CHEK2: variants seen among roughly 807,000 people sequenced by gnomAD.
CHEK2 encodes the protein checkpoint kinase 2.
A neutral mutation model predicts 69.1 loss-of-function variants in CHEK2; 71 were observed. That is an observed-to-expected ratio of 1.03 (90% CI 0.85 to 1.25). CHEK2 has a LOEUF of 1.25. CHEK2 is among the 50% of genes most tolerant of loss of function. The pLI, the probability that CHEK2 is intolerant of heterozygous loss-of-function variation, is 0.00. For synonymous variants in CHEK2, 189 were observed against 226.9 expected, an observed-to-expected ratio of 0.83 and a Z score of 1.50; for missense variants, 664 against 649.6, an observed-to-expected ratio of 1.02 and a Z score of -0.24.
At chr22:28,701,983 C>T (rs996832653) in intron 8 of CHEK2, among the ~76,000 whole-genome samples, 36 of 149,604 alleles carry the variant, frequency 2.4e-4, no homozygotes, top group Non-Finnish European at 2.8e-4. Context: ...CAGAGTCTCA[C>T]TCCCATTGTC....
chr22:28,689,065 A>G, intron 14 of CHEK2, 70 bp downstream of exon 14: 1 of 1,009,636 alleles, frequency 9.9e-7, no homozygotes, highest in Non-Finnish European at 1.5e-6. Flanking sequence ...AAAATCTTGA[A>G]TTTCATCATC....
At chr22:28,726,163 A>G (rs1275206854) in intron 2 of CHEK2, 2 of 152,202 alleles carry the variant, frequency 1.3e-5, no homozygotes, top group African/African-American at 4.8e-5. Flanking sequence ...AGATTGCGCC[A>G]CTGCACTCCA....
intron 2 of CHEK2, among the ~76,000 whole-genome samples, chr22:28,733,331 T>C (rs2054272860): frequency 6.6e-6 from 1 of 152,176 alleles, no homozygotes; most frequent in African/African-American, 2.4e-5. Context: ...GGGGATAATG[T>C]TTGCAAGTTT....
intron 2 of CHEK2, chr22:28,726,342 C>G (rs1294466840): frequency 6.6e-6 from 1 of 150,922 alleles, no homozygotes; most frequent in Non-Finnish European, 1.5e-5. Flanking sequence ...GTACTCCAAC[C>G]TGGGCAACAG....
Position 28,725,102 on chromosome 22 carries a change from T to A in CHEK2, c.467A>T (p.Tyr156Phe), listed in dbSNP as rs1555927004. The A allele has an allele frequency of 1.2e-6, 2 of 1,614,138 alleles. No homozygotes were observed. The highest frequency in any genetic ancestry group is 1.1e-5 in the South Asian group (1 of 91,086). The part of the protein sequence containing the change: ...IFREVGPKNS[Y>F]IAYIEDHSGN... ...ACTGTGATCTTCTATGTATGCAATGTAAGAGTTTTTAGGACCCACTTCCTA... is the reference window on the plus strand; with the variant it reads ...ACTGTGATCTTCTATGTATGCAATGAAAGAGTTTTTAGGACCCACTTCCTA... The change falls in exon 4 of 15, where the codon TAC becomes TTC. Residue 156 changes from tyrosine to phenylalanine, a missense_variant. Tyr to Phe is a conservative substitution (Grantham distance 22, BLOSUM62 3). Coordinates refer to ENST00000404276, the MANE Select transcript of CHEK2 (RefSeq NM_007194.4).
At chr22:28,730,353 A>C (rs926558105) in intron 2 of CHEK2, 5 of 487,332 alleles carry the variant, frequency 1.0e-5, no homozygotes, top group African/African-American at 2.0e-5. Context: ...AAGAAAGGGG[A>C]AAGGGGAAAG....
In CHEK2 at chr22:28,703,486, TA is replaced by T. The variant is rs778668907; in HGVS notation, c.908+18del. The T allele has an allele frequency of 2.1e-5, 26 of 1,256,760 alleles. No individual in the cohort carries two copies. The highest frequency in any genetic ancestry group is 2.9e-5 in the Non-Finnish European group (25 of 872,952). The allele number at this position is 1,256,760 out of a possible 1,614,324, so 77.9% of individuals were successfully genotyped here. On this transcript the variant is annotated intron_variant, in intron 8 of 14. Coordinates refer to ENST00000404276, the MANE Select transcript of CHEK2 (RefSeq NM_007194.4). Reference sequence around the variant, plus strand: ...GCATTTGAATGGAAACAGAAATTTTTAAAAAGTTTACTACTTACAATTCCAA... The same window carrying T: ...GCATTTGAATGGAAACAGAAATTTTTAAAAGTTTACTACTTACAATTCCAA...
At chr22:28,707,141 G>A (rs181866252) in intron 7 of CHEK2, among the ~76,000 whole-genome samples, 2 of 152,106 alleles carry the variant, frequency 1.3e-5, no homozygotes, top group African/African-American at 4.8e-5. Flanking sequence ...CTACCTCCAG[G>A]GTCACTGCCT....
Position 28,695,119 on chromosome 22 carries a change from A to T in CHEK2, c.1375+8T>A, listed in dbSNP as rs1057522436. The stretch of plus-strand genomic sequence containing the variant: ...TACCACAAATTCTTAACCCTTTCAT[A>T]TTCATACCTTTCTCTGAGACTTCTG... On this transcript the variant is annotated splice_region_variant and intron_variant, in intron 12 of 14. Transcript: ENST00000404276. The T allele has an allele frequency of 1.3e-6, 2 of 1,561,656 alleles. No individual in the cohort carries two copies. Among genetic ancestry groups the T allele is most frequent in the Non-Finnish European group, 8.8e-7 (1 of 1,132,756 alleles).
chr22:28,725,031 G>A lies in CHEK2; in HGVS notation c.538C>T (p.Arg180Cys), dbSNP rs77130927. ...TCAGAATTGTTATTCAAAGGACGGC[G>A]TTTTCCTTTCCCTACAAGCTCTGTA... The part of the protein sequence containing the change: ...VNTELVGKGK[R>C]RPLNNNSEIA... The change falls in exon 4 of 15, where the codon CGC (arginine) becomes TGC (cysteine). Residue 180 changes from arginine to cysteine, a missense_variant. Arg to Cys is a radical substitution (Grantham distance 180). Transcript: ENST00000404276. The A allele has an allele frequency of 8.3e-4, 1,337 of 1,613,844 alleles. No homozygotes were observed. The highest frequency in any genetic ancestry group is 2.1e-3 in the East Asian group (95 of 44,850).
intron 10 of CHEK2, among the ~76,000 whole-genome samples, 164 bp from the exon 11 acceptor site, chr22:28,696,037 G>A (rs1163887512): frequency 1.1e-4 from 17 of 152,148 alleles, no homozygotes; most frequent in Admixed American, 1.1e-3. Context: ...TGCAAGTTAG[G>A]ACATTTAATT....
intron 13 of CHEK2, among the ~76,000 whole-genome samples, chr22:28,692,055 G>T (rs1308086967): frequency 6.6e-6 from 1 of 152,222 alleles, no homozygotes; most frequent in African/African-American, 2.4e-5. Context: ...GGGAGATCCT[G>T]CAACAGAGTT....
At chr22:28,735,342 G>A (rs1361271438) in intron 1 of CHEK2, among the ~76,000 whole-genome samples, 1 of 151,802 alleles carries the variant, frequency 6.6e-6, no homozygotes, top group Non-Finnish European at 1.5e-5. Flanking sequence ...GGAGGCAGAG[G>A]TTGCAGTGAA....
At chr22:28,733,679 G>A (rs766025345) in intron 2 of CHEK2, among the ~76,000 whole-genome samples, 1 of 152,130 alleles carries the variant, frequency 6.6e-6, no homozygotes, top group Non-Finnish European at 1.5e-5. Flanking sequence ...AACACTTTGG[G>A]AGGCCGAAGC....
In CHEK2 at chr22:28,703,487, A is replaced by G. The variant is rs755416802; in HGVS notation, c.908+18T>C. On this transcript the variant is annotated intron_variant, in intron 8 of 14. Coordinates refer to ENST00000404276, the MANE Select transcript of CHEK2 (RefSeq NM_007194.4). ...CATTTGAATGGAAACAGAAATTTTT[A>G]AAAAGTTTACTACTTACAATTCCAA... 13 of 1,263,050 alleles carry G rather than the reference A, an allele frequency of 1.0e-5. No individual in the cohort carries two copies. Among genetic ancestry groups the G allele is most frequent in the Non-Finnish European group, 1.4e-5 (12 of 878,124 alleles). 78.2% of individuals were successfully genotyped at this position (1,263,050 alleles called of 1,614,324 possible).
intron 4 of CHEK2, among the ~76,000 whole-genome samples, chr22:28,723,283 A>G (rs1487718155): frequency 1.3e-5 from 2 of 152,206 alleles, no homozygotes; most frequent in Non-Finnish European, 2.9e-5. Flanking sequence ...AAGCACTCAC[A>G]GCCTAGTACC....
intron 1 of CHEK2, among the ~76,000 whole-genome samples, chr22:28,739,454 C>T (rs1248590856): frequency 1.3e-5 from 2 of 151,992 alleles, no homozygotes; most frequent in African/African-American, 2.4e-5. Context: ...CTTTGGGAGG[C>T]GGAGGCGGGC....
At chr22:28,725,466 A>G (rs1021223867) in intron 2 of CHEK2, 99 bp from the exon 3 acceptor site, 5 of 1,378,812 alleles carry the variant, frequency 3.6e-6, no homozygotes, top group Non-Finnish European at 5.2e-6. Context: ...TAGCCTAAGA[A>G]GGCAATCAGA....
chr22:28,695,312 T>C (rs2052530149), intron 11 of CHEK2, 70 bp from the exon 12 acceptor site: 2 of 877,686 alleles, frequency 2.3e-6, no homozygotes, highest in Admixed American at 3.8e-5. Flanking sequence ...GATATAAAGA[T>C]TTCTTTTTCA....
Sources: gnomAD v4.1 joint callset for allele counts (sites outside exome capture counted in the v4.1 genomes callset) on GRCh38, gnomAD v4.1.1 for gene constraint, MANE v1.5 for transcripts, NCBI Gene and HGNC (gene_info 2026-07-23, HGNC 2026-07-21) for gene names.